Variants in ST6GALNAC3 observed in about 807,000 individuals in gnomAD.
The protein encoded by ST6GALNAC3 is alpha-N-acetylgalactosaminide alpha-2,6-sialyltransferase 3.
A neutral mutation model predicts 32.7 loss-of-function variants in ST6GALNAC3; 25 were observed. The observed-to-expected ratio is 0.76, with a 90% CI of 0.56 to 1.07. The LOEUF is 1.07. Ranked by LOEUF, ST6GALNAC3 falls within the 50% of genes least tolerant of loss-of-function variation. ST6GALNAC3 has a pLI of 0.00. For synonymous variants in ST6GALNAC3, 129 were observed against 133.1 expected, an observed-to-expected ratio of 0.97 and a Z score of 0.21; for missense variants, 355 against 382.4, an observed-to-expected ratio of 0.93 and a Z score of 0.60.
chr1:76,630,599 G>T lies in ST6GALNAC3; in HGVS notation c.*1793G>T. 3.0e-6 allele frequency: 3 copies of T among 985,580 alleles called. No individual in the cohort carries two copies. Among genetic ancestry groups the T allele is most frequent in the South Asian group, 9.4e-5 (2 of 21,278 alleles). The allele number at this position is 985,580 out of a possible 1,614,324, so 61.1% of individuals were successfully genotyped here. A position where few individuals can be genotyped will look rare whatever the true frequency, so the allele number is the denominator to read the frequency against. On this transcript the variant is annotated 3_prime_UTR_variant, in exon 5 of 5. Coordinates refer to ENST00000328299, the MANE Select transcript of ST6GALNAC3 (RefSeq NM_152996.4). The stretch of plus-strand genomic sequence containing the variant: ...GGAAGTAATGATACATTTCACTTCA[G>T]AAGCACTTGTAGGTCTTTACTAGTG...
intron 3 of ST6GALNAC3, among the ~76,000 whole-genome samples, chr1:76,516,668 T>C (rs1378626884): frequency 6.6e-6 from 1 of 152,140 alleles, no homozygotes; most frequent in Non-Finnish European, 1.5e-5. Flanking sequence ...ATTCTCAATC[T>C]AATGAGCAAA....
At chr1:76,430,607 TA>T (rs1655684745) in intron 3 of ST6GALNAC3, among the ~76,000 whole-genome samples, 1 of 152,174 alleles carries the variant, frequency 6.6e-6, no homozygotes, top group African/African-American at 2.4e-5. Flanking sequence ...CAGCCCCATT[TA>T]TCCCTCCCTC....
intron 3 of ST6GALNAC3, among the ~76,000 whole-genome samples, chr1:76,479,681 G>A (rs573732785): frequency 2.0e-5 from 3 of 152,162 alleles, no homozygotes; most frequent in Non-Finnish European, 2.9e-5. Flanking sequence ...TGAAAACAGA[G>A]CCCTTATGAT....
chr1:76,395,588 C>G (rs1254316459), intron 2 of ST6GALNAC3, among the ~76,000 whole-genome samples: 2 of 151,902 alleles, frequency 1.3e-5, no homozygotes, highest in Non-Finnish European at 2.9e-5. Context: ...CACACACACA[C>G]AGACACACAC....
chr1:76,093,972 G>T (rs1322173313), intron 1 of ST6GALNAC3, among the ~76,000 whole-genome samples: 6 of 152,184 alleles, frequency 3.9e-5, no homozygotes, highest in Non-Finnish European at 7.3e-5. Flanking sequence ...TTCATAAGTT[G>T]TTTGTTTTAC....
At chr1:76,178,477 G>A (rs1247047677) in intron 1 of ST6GALNAC3, among the ~76,000 whole-genome samples, 5 of 152,180 alleles carry the variant, frequency 3.3e-5, no homozygotes, top group African/African-American at 1.2e-4. Flanking sequence ...GATGTTTATC[G>A]CCAGACCGTG....
intron 3 of ST6GALNAC3, among the ~76,000 whole-genome samples, chr1:76,529,323 G>A (rs114033135): frequency 6.6e-6 from 1 of 152,156 alleles, no homozygotes; most frequent in African/African-American, 2.4e-5. Flanking sequence ...AGATGGTAGG[G>A]AGATCAGAAG....
chr1:76,095,909 T>C (rs1396044184), intron 1 of ST6GALNAC3, among the ~76,000 whole-genome samples: 3 of 152,186 alleles, frequency 2.0e-5, no homozygotes, highest in Non-Finnish European at 4.4e-5. Context: ...CCCTCGGACA[T>C]GCCCTTTTAA....
chr1:76,504,998 G>T (rs1169470355), intron 3 of ST6GALNAC3, among the ~76,000 whole-genome samples: 1 of 152,134 alleles, frequency 6.6e-6, no homozygotes, highest in Admixed American at 6.5e-5. Flanking sequence ...TGAGGAAATA[G>T]ATATCTTTCC....
Position 76,628,641 on chromosome 1 carries a change from C to A in ST6GALNAC3, c.753C>A (p.Val251=). 1 of 1,609,190 alleles carries A rather than the reference C, an allele frequency of 6.2e-7. No individual in the cohort carries two copies. Among genetic ancestry groups the A allele is most frequent in the Non-Finnish European group, 8.5e-7 (1 of 1,178,344 alleles). The change falls in exon 5 of 5, where the codon GTC becomes GTA. Residue 251 remains valine, a synonymous_variant. Coordinates refer to ENST00000328299, the MANE Select transcript of ST6GALNAC3 (RefSeq NM_152996.4). ...CTAGGACAGAAGGGTATAGAAAAGT[C>A]CCCTACCATTATTATGAACAAGGAA... ...TYCKTEGYRK[V]PYHYYEQGRD... is the part of the protein sequence containing the mutation.
chr1:76,542,936 G>T (rs186073633), intron 3 of ST6GALNAC3, among the ~76,000 whole-genome samples: 100 of 152,180 alleles, frequency 6.6e-4, no homozygotes, highest in African/African-American at 2.3e-3. Context: ...CCCTCTGTGG[G>T]GTTGTTTCTG....
At chr1:76,412,453 T>C in intron 3 of ST6GALNAC3, 36 bp downstream of exon 3, 2 of 1,542,032 alleles carry the variant, frequency 1.3e-6, no homozygotes, top group Non-Finnish European at 1.7e-6. Flanking sequence ...TTGTCTTTTA[T>C]TATCTTTTAT....
chr1:76,224,775 C>A (rs1338939066), intron 1 of ST6GALNAC3, among the ~76,000 whole-genome samples: 1 of 152,118 alleles, frequency 6.6e-6, no homozygotes, highest in Middle Eastern at 3.2e-3. Context: ...GTAAGGTAGC[C>A]TTTGTCTTGT....
intron 1 of ST6GALNAC3, among the ~76,000 whole-genome samples, chr1:76,154,000 T>C (rs1189592103): frequency 6.6e-6 from 1 of 152,062 alleles, no homozygotes; most frequent in African/African-American, 2.4e-5. Context: ...TGTCCCGCCG[T>C]CTGTAGTCGG....
chr1:76,498,560 C>T lies in ST6GALNAC3; in HGVS notation c.623+86143C>T, dbSNP rs534038839. On this transcript the variant is annotated intron_variant, in intron 3 of 4. Transcript: ENST00000328299. Reference sequence around the variant, plus strand: ...TGATTTAGTTGATCCTGCAAAGCTGCGCTATTTTTCACCTAATTCGAGAGT... The same window carrying T: ...TGATTTAGTTGATCCTGCAAAGCTGTGCTATTTTTCACCTAATTCGAGAGT... 9.5e-4 allele frequency among the ~76,000 whole-genome samples: 145 copies of T among 152,240 alleles called. 1 individual carries two copies. Among genetic ancestry groups the T allele is most frequent in the African/African-American group, 3.3e-3 (136 of 41,552 alleles).
At chr1:76,541,846 C>T (rs189218302) in intron 3 of ST6GALNAC3, among the ~76,000 whole-genome samples, 3 of 152,276 alleles carry the variant, frequency 2.0e-5, no homozygotes, top group East Asian at 1.9e-4. Flanking sequence ...CTGTGAGGCA[C>T]GTGCTGCTGC....
intron 1 of ST6GALNAC3, among the ~76,000 whole-genome samples, chr1:76,176,707 T>C (rs969380925): frequency 2.6e-5 from 4 of 152,194 alleles, no homozygotes; most frequent in Non-Finnish European, 5.9e-5. Flanking sequence ...AATTTTGCCC[T>C]ATATAAGAAT....
chr1:76,370,724 C>T (rs953458634), intron 2 of ST6GALNAC3, among the ~76,000 whole-genome samples: 2 of 152,174 alleles, frequency 1.3e-5, no homozygotes, highest in Non-Finnish European at 2.9e-5. Flanking sequence ...CATAGAGAAA[C>T]TAATTTATAT....
intron 1 of ST6GALNAC3, among the ~76,000 whole-genome samples, chr1:76,104,989 G>T (rs1171975638): frequency 1.3e-5 from 2 of 152,064 alleles, no homozygotes; most frequent in Non-Finnish European, 2.9e-5. Flanking sequence ...CCCACAACAC[G>T]TGGGAATTCA....
Sources: gnomAD v4.1 joint callset for allele counts (sites outside exome capture counted in the v4.1 genomes callset) on GRCh38, gnomAD v4.1.1 for gene constraint, MANE v1.5 for transcripts, NCBI Gene and HGNC (gene_info 2026-07-23, HGNC 2026-07-21) for gene names.